Variants in CPZ observed in about 807,000 individuals in gnomAD.
The protein encoded by CPZ is carboxypeptidase Z.
In CPZ, 103 loss-of-function variants were observed where a neutral mutation model predicts 61.8. That is an observed-to-expected ratio of 1.67 (90% CI 1.42 to 1.96). The LOEUF (loss-of-function observed/expected upper bound fraction) is 1.96, where lower values mean the gene tolerates loss of function less well. CPZ is among the 30% of genes most tolerant of loss of function. The pLI, the probability that CPZ is intolerant of heterozygous loss-of-function variation, is 0.00. For synonymous variants in CPZ, 551 were observed against 373.7 expected (o/e 1.47, Z -5.47); for missense variants, 1,461 against 914.9 (o/e 1.60, Z -7.70).
At chr4:8,602,489 T>A (rs1403749657) in intron 3 of CPZ, 1 of 152,266 alleles carries the variant, frequency 6.6e-6, no homozygotes, top group African/African-American at 2.4e-5. Context: ...CACATTCAAC[T>A]GTGCAGGGCA....
chr4:8,595,764 G>A (rs1385448736), intron 1 of CPZ, among the ~76,000 whole-genome samples: 1 of 152,242 alleles, frequency 6.6e-6, no homozygotes, highest in Admixed American at 6.5e-5. Flanking sequence ...CAAGGTCTTT[G>A]TGGATGAAAT....
intron 1 of CPZ, among the ~76,000 whole-genome samples, chr4:8,593,752 T>C (rs1334371787): frequency 6.6e-6 from 1 of 152,092 alleles, no homozygotes; most frequent in East Asian, 1.9e-4. Context: ...GCCCTGCGAG[T>C]GGATGTGCCA....
chr4:8,608,467 T>C (rs1323394193), intron 7 of CPZ, among the ~76,000 whole-genome samples: 1 of 152,178 alleles, frequency 6.6e-6, no homozygotes, highest in Non-Finnish European at 1.5e-5. Flanking sequence ...GGGCCCCTGG[T>C]TGGCACTCAG....
intron 6 of CPZ, 44 bp downstream of exon 6, chr4:8,606,942 A>T: frequency 6.5e-7 from 1 of 1,541,398 alleles, no homozygotes; most frequent in Non-Finnish European, 8.8e-7. Flanking sequence ...CAAGGCATCC[A>T]GGGGTCCCTA....
chr4:8,612,205 G>GGGGGGGGGGGGGGGCC, intron 8 of CPZ, 43 bp downstream of exon 8: 2 of 202,856 alleles, frequency 9.9e-6, no homozygotes, highest in Non-Finnish European at 1.9e-5. Flanking sequence ...GGTGGGGGGT[G>GGGGGGGGGGGGGGGCC]CAGGGGCTGG....
At chr4:8,609,088 CCATTCACT>C (rs1560297788) in intron 7 of CPZ, among the ~76,000 whole-genome samples, 1 of 137,710 alleles carries the variant, frequency 7.3e-6, no homozygotes, top group South Asian at 2.4e-4. Context: ...ATACATTCAC[CCATTCACT>C]CACTCACTCC....
chr4:8,603,731 C>G lies in CPZ; in HGVS notation c.497-245C>G. 5.3e-6 allele frequency: 3 copies of G among 566,408 alleles called. No homozygotes were observed. In the South Asian group the frequency reaches 6.4e-5, roughly 12 times the overall value. The allele number at this position is 566,408 out of a possible 1,614,324, so 35.1% of individuals were successfully genotyped here. A position where few individuals can be genotyped will look rare whatever the true frequency, so the allele number is the denominator to read the frequency against. On this transcript the variant is annotated intron_variant, in intron 3 of 10. Transcript: ENST00000360986. The stretch of plus-strand genomic sequence containing the variant: ...ATTTTAGGAGCTTCCCACAGTGGCC[C>G]CATAGTATGTTTACTCACAGTCACG...
intron 1 of CPZ, among the ~76,000 whole-genome samples, chr4:8,594,159 C>T (rs1327514725): frequency 2.6e-5 from 4 of 152,210 alleles, no homozygotes; most frequent in Admixed American, 1.3e-4. Context: ...TGAGCACAGC[C>T]GTGGCATCGG....
intron 7 of CPZ, among the ~76,000 whole-genome samples, chr4:8,609,829 T>C (rs1463707217): frequency 6.6e-6 from 1 of 152,214 alleles, no homozygotes; most frequent in Admixed American, 6.5e-5. Flanking sequence ...GGCAGTGATC[T>C]CTGGAAACCA....
rs1041518699 is a variant in CPZ, at chr4:8,608,993, CTCTTTCACTTGTTCAT to C, written c.1227+1569_1227+1584del. On this transcript the variant is annotated intron_variant, in intron 7 of 10. Transcript: ENST00000360986. The stretch of plus-strand genomic sequence containing the variant: ...ATTTGTTCATTCTTCCACCCATTCA[CTCTTTCACTTGTTCAT>C]CATTCATTAACTCACTCCTTCACTC... 4.1e-3 allele frequency among the ~76,000 whole-genome samples: 386 copies of C among 93,306 alleles called. 1 individual carries two copies. The highest frequency in any genetic ancestry group is 0.017 in the African/African-American group (377 of 22,054). The allele number at this position is 93,306 out of a possible 152,430, so 61.2% of individuals were successfully genotyped here. A position where few individuals can be genotyped will look rare whatever the true frequency, so the allele number is the denominator to read the frequency against.
chr4:8,616,795 C>T (rs567003269), intron 9 of CPZ, among the ~76,000 whole-genome samples: 18 of 152,306 alleles, frequency 1.2e-4, no homozygotes, highest in Non-Finnish European at 2.1e-4. Context: ...CCGCTAAATG[C>T]GAGTCCATGA....
rs768649444 is a variant in CPZ, at chr4:8,601,113, G to A, written c.122-10G>A. The A allele has an allele frequency of 6.4e-7, 1 of 1,558,586 alleles. No homozygotes were observed. The highest frequency in any genetic ancestry group is 8.7e-7 in the Non-Finnish European group (1 of 1,146,514). On this transcript the variant is annotated splice_polypyrimidine_tract_variant and intron_variant, in intron 2 of 10. Transcript: ENST00000360986. ...CAGGAGGGACTGACCTGCCGACCCT[G>A]CCTCCCCAGCCACCTGCGTGGACCT...
chr4:8,607,027 C>G, intron 6 of CPZ, 129 bp downstream of exon 6: 2 of 1,187,488 alleles, frequency 1.7e-6, no homozygotes, highest in South Asian at 1.6e-5. Flanking sequence ...CCTCAGTTAC[C>G]TGTCTGTGAA....
intron 9 of CPZ, among the ~76,000 whole-genome samples, chr4:8,617,416 C>A (rs948025603): frequency 6.6e-6 from 1 of 152,226 alleles, no homozygotes; most frequent in African/African-American, 2.4e-5. Context: ...GTTGCCAGGG[C>A]TGCTTCCTGA....
At position 8,595,246 on chromosome 4, in the gene CPZ, G is replaced by A. The variant is rs1382612308; in HGVS notation, c.88+2325G>A. Among the ~76,000 whole-genome samples, 4 of 152,354 alleles carry A rather than the reference G, an allele frequency of 2.6e-5. No homozygotes were observed. In the East Asian group the frequency reaches 5.8e-4, roughly 22 times the overall value. Reference sequence around the variant, plus strand: ...CACATGTGAAGGGCTCAGTGGCCACGTGTGGCTCGTGGCTGCTGTACTGGA... The same window carrying A: ...CACATGTGAAGGGCTCAGTGGCCACATGTGGCTCGTGGCTGCTGTACTGGA... On this transcript the variant is annotated intron_variant, in intron 1 of 10. Coordinates refer to ENST00000360986, the MANE Select transcript of CPZ (RefSeq NM_001014447.3).
At chr4:8,606,936 G>A in intron 6 of CPZ, 38 bp downstream of exon 6, 1 of 1,550,314 alleles carries the variant, frequency 6.5e-7, no homozygotes, top group Non-Finnish European at 8.7e-7. Context: ...CTCCACCAAG[G>A]CATCCAGGGG....
intron 2 of CPZ, chr4:8,599,958 G>C (rs919744430): frequency 5.7e-6 from 1 of 176,878 alleles, no homozygotes; most frequent in Non-Finnish European, 1.2e-5. Flanking sequence ...CCAATGTGAA[G>C]TGCTCAGGTC....
intron 1 of CPZ, among the ~76,000 whole-genome samples, chr4:8,599,003 T>A (rs534857502): frequency 6.6e-6 from 1 of 152,264 alleles, no homozygotes; most frequent in Admixed American, 6.5e-5. Context: ...TGCCTGCTGG[T>A]GAGGGCTCCG....
In CPZ at chr4:8,607,341, G is replaced by A. The variant is rs146301697; in HGVS notation, c.1143G>A (p.Gly381=). 7 of 1,613,988 alleles carry A rather than the reference G, an allele frequency of 4.3e-6. No homozygotes were observed. The African/African-American group carries it at 9.3e-5, about 22-fold the overall frequency. ...TTGTGCTCTCAGCCAGCCTTCATGG[G>A]GGCGACCTGGTGGTGTCCTACCCCT... ...IPFVLSASLH[G]GDLVVSYPFD... The change falls in exon 7 of 11, where the codon GGG becomes GGA. Residue 381 remains glycine, a synonymous_variant. Transcript: ENST00000360986.
Sources: allele counts gnomAD v4.1 joint callset (sites outside exome capture counted in the v4.1 genomes callset), GRCh38; gene constraint gnomAD v4.1.1; transcripts MANE v1.5; gene names NCBI Gene and HGNC (gene_info 2026-07-23, HGNC 2026-07-21).